Variants in WDPCP observed in about 807,000 individuals in gnomAD.
WDPCP encodes WD repeat containing planar cell polarity effector.
A neutral mutation model predicts 93.1 loss-of-function variants in WDPCP; 71 were observed. The ratio of observed to expected loss-of-function variants is 0.76; its 90% CI spans 0.63 to 0.93. The LOEUF is 0.93. Ranked by LOEUF, WDPCP falls within the 40% of genes least tolerant of loss-of-function variation. WDPCP has a pLI of 0.00. For synonymous variants in WDPCP, 315 were observed against 315.0 expected, an observed-to-expected ratio of 1.00 and a Z score of 0.00; for missense variants, 844 against 887.4, an observed-to-expected ratio of 0.95 and a Z score of 0.62.
At chr2:63,416,534 T>C (rs976131412) in intron 9 of WDPCP, among the ~76,000 whole-genome samples, 2 of 58,630 alleles carry the variant, frequency 3.4e-5, no homozygotes, top group African/African-American at 1.1e-4. Flanking sequence ...ATACTTTTTT[T>C]TTTTTTTGAG....
chr2:63,596,196 C>T (rs1054339092), intron 3 of WDPCP, among the ~76,000 whole-genome samples: 10 of 152,266 alleles, frequency 6.6e-5, no homozygotes, highest in Admixed American at 2.0e-4. Context: ...GCTATTTCTT[C>T]ATCATAGTCT....
intron 12 of WDPCP, among the ~76,000 whole-genome samples, chr2:63,365,617 A>G (rs78557454): frequency 6.6e-6 from 1 of 152,118 alleles, no homozygotes; most frequent in African/African-American, 2.4e-5. Flanking sequence ...AAGACTAATC[A>G]GAGCACCAAT....
chr2:63,316,439 G>A (rs1327291482), intron 12 of WDPCP, among the ~76,000 whole-genome samples: 1 of 152,068 alleles, frequency 6.6e-6, no homozygotes, highest in African/African-American at 2.4e-5. Context: ...TATCACTTGA[G>A]GCTAAAAGTT....
intron 3 of WDPCP, among the ~76,000 whole-genome samples, chr2:63,646,818 G>T (rs1183287529): frequency 6.6e-6 from 1 of 151,820 alleles, no homozygotes; most frequent in Non-Finnish European, 1.5e-5. Flanking sequence ...CTTCTCTTTT[G>T]CTGCTTTTAG....
intron 1 of WDPCP, among the ~76,000 whole-genome samples, chr2:63,556,673 G>T (rs1706146764): frequency 6.6e-6 from 1 of 152,002 alleles, no homozygotes; most frequent in African/African-American, 2.4e-5. Context: ...CAGAACACCA[G>T]TAAGATACTC....
chr2:63,721,578 T>G (rs141795313), intron 2 of WDPCP, among the ~76,000 whole-genome samples: 165 of 152,278 alleles, frequency 1.1e-3, no homozygotes, highest in African/African-American at 3.8e-3. Context: ...ACCAGTAACT[T>G]TCTCATTCTC....
chr2:63,211,206 G>A (rs1351475918), intron 14 of WDPCP, among the ~76,000 whole-genome samples: 1 of 152,216 alleles, frequency 6.6e-6, no homozygotes, highest in Non-Finnish European at 1.5e-5. Flanking sequence ...AGGCATCGCT[G>A]AGTAGGGGCT....
At chr2:63,496,975 G>A (rs768196863) in intron 1 of WDPCP, among the ~76,000 whole-genome samples, 9 of 151,996 alleles carry the variant, frequency 5.9e-5, no homozygotes, top group African/African-American at 9.7e-5. Flanking sequence ...AGCTGGGCAT[G>A]GTGGAATGCA....
At chr2:63,492,989 G>T in intron 1 of WDPCP, 49 bp from the exon 2 acceptor site, 2 of 1,514,054 alleles carry the variant, frequency 1.3e-6, no homozygotes, top group South Asian at 1.1e-5. Flanking sequence ...ATCTTCTATT[G>T]CCAATAAAAC....
intron 2 of WDPCP, among the ~76,000 whole-genome samples, chr2:63,661,765 A>T (rs1489319498): frequency 2.0e-5 from 3 of 152,224 alleles, no homozygotes; most frequent in African/African-American, 7.2e-5. Context: ...AATACAGGGT[A>T]ATTGAATATT....
intron 6 of WDPCP, among the ~76,000 whole-genome samples, chr2:63,445,501 GCT>G (rs1697795246): frequency 6.6e-6 from 1 of 152,030 alleles, no homozygotes; most frequent in Admixed American, 6.6e-5. Flanking sequence ...TTAAAATCCT[GCT>G]AACTATATTT....
chr2:63,351,602 T>C (rs1689618498), intron 12 of WDPCP, among the ~76,000 whole-genome samples: 1 of 152,190 alleles, frequency 6.6e-6, no homozygotes, highest in East Asian at 1.9e-4. Context: ...AAGAACATGA[T>C]TTCTTTATTT....
Position 63,153,116 on chromosome 2 carries a change from A to G in WDPCP, c.2159-171T>C, listed in dbSNP as rs140282700. Reference sequence around the variant, plus strand: ...TTAACATAGTATGAAAGTGCCAATCATTTTCATATATATGTGTATGGCTAC... The same window carrying G: ...TTAACATAGTATGAAAGTGCCAATCGTTTTCATATATATGTGTATGGCTAC... On this transcript the variant is annotated intron_variant, in intron 16 of 17. Transcript: ENST00000272321. 3.0e-4 allele frequency: 186 copies of G among 621,182 alleles called. 2 individuals are homozygous for G. In the African/African-American group the frequency reaches 3.0e-3, roughly 10 times the overall value. 38.5% of individuals were successfully genotyped at this position (621,182 alleles called of 1,614,324 possible).
chr2:63,461,963 C>T (rs1699038902), intron 6 of WDPCP, among the ~76,000 whole-genome samples: 1 of 152,156 alleles, frequency 6.6e-6, no homozygotes, highest in Non-Finnish European at 1.5e-5. Flanking sequence ...GGATCTAGAA[C>T]TAGAAATACC....
chr2:63,254,020 T>TA (rs1680942585), intron 14 of WDPCP, among the ~76,000 whole-genome samples: 1 of 152,092 alleles, frequency 6.6e-6, no homozygotes, highest in Non-Finnish European at 1.5e-5. Context: ...GAAAATGTAG[T>TA]ATATATACAC....
intron 12 of WDPCP, among the ~76,000 whole-genome samples, chr2:63,339,186 T>A (rs894541777): frequency 6.6e-6 from 1 of 152,142 alleles, no homozygotes; most frequent in South Asian, 2.1e-4. Context: ...TTAATTTTTA[T>A]TTTTTGAGAT....
chr2:63,316,053 G>A (rs114462187), intron 12 of WDPCP, among the ~76,000 whole-genome samples: 2,858 of 152,104 alleles, frequency 0.019, 49 homozygotes, highest in Non-Finnish European at 0.026. Flanking sequence ...GTGAGCCACT[G>A]TGCTCAGTCA....
intron 15 of WDPCP, among the ~76,000 whole-genome samples, chr2:63,172,551 T>C (rs1673474934): frequency 1.3e-5 from 2 of 151,106 alleles, no homozygotes; most frequent in East Asian, 3.9e-4. Context: ...GACTTCTAGG[T>C]AGCTGAAGAT....
chr2:63,391,454 G>T (rs181049669), intron 10 of WDPCP, among the ~76,000 whole-genome samples: 271 of 152,064 alleles, frequency 1.8e-3, no homozygotes, highest in Non-Finnish European at 3.3e-3. Context: ...GGGCAAAAAC[G>T]GGAAGCATTC....
Sources: gnomAD v4.1 joint callset for allele counts (sites outside exome capture counted in the v4.1 genomes callset) on GRCh38, gnomAD v4.1.1 for gene constraint, MANE v1.5 for transcripts, NCBI Gene and HGNC (gene_info 2026-07-23, HGNC 2026-07-21) for gene names.